The following SLC25A21 variants were observed in gnomAD, a reference collection of about 807,000 sequenced individuals.
The protein encoded by SLC25A21 is mitochondrial 2-oxodicarboxylate carrier.
Under a neutral mutation model 43.8 loss-of-function variants are expected in SLC25A21, and 47 were observed. That is an observed-to-expected ratio of 1.07 (90% CI 0.85 to 1.37). SLC25A21 has a LOEUF of 1.37. SLC25A21 is among the 40% of genes most tolerant of loss of function. The pLI is 0.00. For synonymous variants in SLC25A21, 131 were observed against 121.3 expected, an observed-to-expected ratio of 1.08 and a Z score of -0.52; for missense variants, 352 against 350.2, an observed-to-expected ratio of 1.00 and a Z score of -0.04.
At chr14:36,830,619 C>T (rs571709068) in intron 2 of SLC25A21, among the ~76,000 whole-genome samples, 2 of 152,172 alleles carry the variant, frequency 1.3e-5, no homozygotes, top group South Asian at 4.1e-4. Flanking sequence ...TCTATTTTCA[C>T]CCCACTTAGT....
chr14:36,678,775 C>G lies in SLC25A21; in HGVS notation c.*1883G>C. 3 of 1,068,642 alleles carry G rather than the reference C, an allele frequency of 2.8e-6. No individual in the cohort carries two copies. Among genetic ancestry groups the G allele is most frequent in the Non-Finnish European group, 2.3e-6 (2 of 874,020 alleles). The allele number at this position is 1,068,642 out of a possible 1,614,324, so 66.2% of individuals were successfully genotyped here. On this transcript the variant is annotated 3_prime_UTR_variant, in exon 10 of 10. Transcript: ENST00000331299. Reference sequence around the variant, plus strand: ...TTCTGGTTCTTGTATTTTAAAAAATCTAATATTAATGGTATTGAAGTTTCC... The same window carrying G: ...TTCTGGTTCTTGTATTTTAAAAAATGTAATATTAATGGTATTGAAGTTTCC...
At chr14:36,735,196 TA>T (rs1884982401) in intron 3 of SLC25A21, among the ~76,000 whole-genome samples, 1 of 152,148 alleles carries the variant, frequency 6.6e-6, no homozygotes, top group African/African-American at 2.4e-5. Context: ...TGCTGATATG[TA>T]AAATCACAGG....
intron 3 of SLC25A21, among the ~76,000 whole-genome samples, chr14:36,776,238 C>CTTTCT (rs766473690): frequency 4.4e-5 from 4 of 89,902 alleles, no homozygotes; most frequent in Non-Finnish European, 5.8e-5. Context: ...TTCTTTCTTT[C>CTTTCT]TTTTTTTTTT....
At chr14:37,128,536 CTCTGTGTG>C (rs1237322452) in intron 1 of SLC25A21, among the ~76,000 whole-genome samples, 6 of 87,042 alleles carry the variant, frequency 6.9e-5, no homozygotes, top group East Asian at 3.0e-4. Context: ...CTCTCTCTCT[CTCTGTGTG>C]TGTGTGTGTG....
intron 7 of SLC25A21, among the ~76,000 whole-genome samples, chr14:36,704,665 A>AC (rs1283027185): frequency 4.7e-4 from 71 of 151,750 alleles, no homozygotes; most frequent in African/African-American, 1.6e-3. Flanking sequence ...TCAAAAAAAA[A>AC]AAAAAACAAA....
chr14:37,162,734 G>C (rs1022489304), intron 1 of SLC25A21, among the ~76,000 whole-genome samples: 23 of 152,276 alleles, frequency 1.5e-4, no homozygotes, highest in African/African-American at 5.1e-4. Context: ...TCAGTGTGGC[G>C]ATTCCTCAGG....
chr14:37,101,433 AT>A, intron 1 of SLC25A21, among the ~76,000 whole-genome samples: 1 of 152,340 alleles, frequency 6.6e-6, no homozygotes, highest in Middle Eastern at 3.4e-3. Flanking sequence ...AATGAAAACC[AT>A]TTATGACAAG....
At chr14:36,958,217 A>G (rs974714771) in intron 1 of SLC25A21, among the ~76,000 whole-genome samples, 9 of 152,086 alleles carry the variant, frequency 5.9e-5, no homozygotes, top group African/African-American at 2.2e-4. Context: ...CTAACTGCCT[A>G]TGAACCAAAG....
intron 1 of SLC25A21, among the ~76,000 whole-genome samples, chr14:37,095,832 A>G: frequency 2.2e-5 from 1 of 45,442 alleles, no homozygotes. Context: ...ACACACACAC[A>G]CACACACACA....
chr14:36,969,094 G>T (rs7155682), intron 1 of SLC25A21, among the ~76,000 whole-genome samples: 69,712 of 152,018 alleles, frequency 0.46, 17,677 homozygotes, highest in African/African-American at 0.68. Context: ...TTAATATATC[G>T]GAAAATTCAG....
At chr14:36,999,541 T>C (rs1435120310) in intron 1 of SLC25A21, among the ~76,000 whole-genome samples, 1 of 152,120 alleles carries the variant, frequency 6.6e-6, no homozygotes, top group Non-Finnish European at 1.5e-5. Flanking sequence ...CAATGTAGGT[T>C]CATCAATTGT....
chr14:36,813,590 G>A (rs1358424656), intron 3 of SLC25A21, among the ~76,000 whole-genome samples: 1 of 152,028 alleles, frequency 6.6e-6, no homozygotes, highest in Non-Finnish European at 1.5e-5. Flanking sequence ...GTGTGAACGG[G>A]GAATGAATTT....
rs1033760723 is a variant in SLC25A21, at chr14:36,702,367, G to A, written c.603+8951C>T. On this transcript the variant is annotated intron_variant, in intron 7 of 9. Coordinates refer to ENST00000331299, the MANE Select transcript of SLC25A21 (RefSeq NM_030631.4). ...AAAAAAGACCTTTCTAGCCAGGTTC[G>A]GTGGCTCATCCCTGTAATCCCAGCA... Among the ~76,000 whole-genome samples the A allele has an allele frequency of 6.0e-5, 9 of 151,024 alleles. No homozygotes were observed. The South Asian group carries it at 1.0e-3, about 18-fold the overall frequency.
intron 2 of SLC25A21, among the ~76,000 whole-genome samples, chr14:36,866,330 G>A (rs559490704): frequency 1.3e-5 from 2 of 152,248 alleles, no homozygotes; most frequent in East Asian, 1.9e-4. Context: ...GTGTGCACCT[G>A]ATTTATGCTC....
intron 1 of SLC25A21, among the ~76,000 whole-genome samples, chr14:36,993,167 T>C (rs1020336827): frequency 2.0e-5 from 3 of 152,184 alleles, no homozygotes; most frequent in African/African-American, 7.2e-5. Context: ...ACTGCTATTT[T>C]CTATAGAATC....
At chr14:36,807,002 A>G (rs1223493130) in intron 3 of SLC25A21, 1 of 152,246 alleles carries the variant, frequency 6.6e-6, no homozygotes, top group Non-Finnish European at 1.5e-5. Flanking sequence ...TTGCTAAAAC[A>G]AAAAGAAGGG....
At chr14:37,004,720 C>T (rs971009324) in intron 1 of SLC25A21, among the ~76,000 whole-genome samples, 19 of 152,028 alleles carry the variant, frequency 1.2e-4, no homozygotes, top group Non-Finnish European at 5.9e-5. Context: ...TGGGAGGGCA[C>T]ACCCTCCCTC....
At chr14:36,979,631 C>G (rs1180803566) in intron 1 of SLC25A21, among the ~76,000 whole-genome samples, 1 of 152,204 alleles carries the variant, frequency 6.6e-6, no homozygotes, top group African/African-American at 2.4e-5. Flanking sequence ...GCAGGTATTA[C>G]AGGCGCAAGC....
intron 4 of SLC25A21, among the ~76,000 whole-genome samples, chr14:36,731,874 T>A (rs955687693): frequency 1.3e-5 from 2 of 152,164 alleles, no homozygotes; most frequent in Non-Finnish European, 2.9e-5. Flanking sequence ...CAGCTCCTTC[T>A]CAACCCAGGG....
Sources: allele counts gnomAD v4.1 joint callset (sites outside exome capture counted in the v4.1 genomes callset), GRCh38; gene constraint gnomAD v4.1.1; transcripts MANE v1.5; gene names NCBI Gene and HGNC (gene_info 2026-07-23, HGNC 2026-07-21).